Variants in DISC1 observed in about 807,000 individuals in gnomAD.
DISC1 encodes the protein disrupted in schizophrenia 1 protein.
A neutral mutation model predicts 84.5 loss-of-function variants in DISC1; 57 were observed. The observed-to-expected ratio is 0.67, with a 90% CI of 0.55 to 0.84. DISC1 has a LOEUF of 0.84. Among genes scored for constraint, DISC1 ranks in the 40% least tolerant of loss-of-function variants. The pLI is 0.00. For synonymous variants in DISC1, 411 were observed against 415.2 expected (o/e 0.99, Z 0.12); for missense variants, 1,000 against 1,057.8 (o/e 0.95, Z 0.76).
intron 4 of DISC1, among the ~76,000 whole-genome samples, chr1:231,752,944 C>T (rs780306591): frequency 4.6e-5 from 7 of 152,248 alleles, no homozygotes; most frequent in Non-Finnish European, 7.3e-5. Context: ...GTCTCACATC[C>T]AGAGCACACT....
At chr1:231,703,210 A>G (rs1267565018) in intron 3 of DISC1, among the ~76,000 whole-genome samples, 1 of 152,192 alleles carries the variant, frequency 6.6e-6, no homozygotes, top group African/African-American at 2.4e-5. Context: ...AAAGGACTGG[A>G]GACAGAGGAG....
At chr1:231,712,964 T>C (rs766185242) in intron 3 of DISC1, among the ~76,000 whole-genome samples, 2 of 152,234 alleles carry the variant, frequency 1.3e-5, no homozygotes, top group African/African-American at 2.4e-5. Context: ...ATGCATATAC[T>C]TGGGGCAAGA....
chr1:231,695,628 T>C (rs201814478), intron 2 of DISC1, among the ~76,000 whole-genome samples: 2 of 72,918 alleles, frequency 2.7e-5, no homozygotes, highest in East Asian at 3.5e-4. Flanking sequence ...TGTGTGTGCG[T>C]GTGTGTGTGT....
At chr1:231,795,087 C>T (rs867028255) in intron 6 of DISC1, among the ~76,000 whole-genome samples, 155 bp from the exon 7 acceptor site, 7 of 152,274 alleles carry the variant, frequency 4.6e-5, no homozygotes, top group Middle Eastern at 3.4e-3. Flanking sequence ...ATATTTATTC[C>T]GTAGTCAAAT....
intron 4 of DISC1, among the ~76,000 whole-genome samples, chr1:231,766,515 C>T (rs188876177): frequency 1.6e-3 from 242 of 152,242 alleles, no homozygotes; most frequent in African/African-American, 5.6e-3. Context: ...CAGTGACAAC[C>T]TTCTCATTGA....
intron 1 of DISC1, among the ~76,000 whole-genome samples, chr1:231,669,057 C>T (rs1275300642): frequency 6.6e-6 from 1 of 152,130 alleles, no homozygotes; most frequent in African/African-American, 2.4e-5. Context: ...GCTCCCTGTT[C>T]ATCATTTTTA....
At chr1:231,900,851 T>G (rs1186650919) in intron 9 of DISC1, among the ~76,000 whole-genome samples, 1 of 152,178 alleles carries the variant, frequency 6.6e-6, no homozygotes, top group Non-Finnish European at 1.5e-5. Context: ...CATCAAAGCG[T>G]ATACATTACA....
At chr1:231,833,676 G>C (rs2125830523) in intron 9 of DISC1, among the ~76,000 whole-genome samples, 1 of 152,330 alleles carries the variant, frequency 6.6e-6, no homozygotes, top group Non-Finnish European at 1.5e-5. Context: ...CTTGTAGCAA[G>C]CTCCTGGGGG....
chr1:232,000,820 A>G (rs892165689), intron 10 of DISC1, among the ~76,000 whole-genome samples: 1 of 152,220 alleles, frequency 6.6e-6, no homozygotes, highest in Non-Finnish European at 1.5e-5. Context: ...CTGTCAACCT[A>G]CAATCCTACA....
Position 231,767,136 on chromosome 1 carries a change from T to G in DISC1, c.1269-4T>G, listed in dbSNP as rs778661453. On this transcript the variant is annotated splice_region_variant and splice_polypyrimidine_tract_variant and intron_variant, in intron 4 of 12. Coordinates refer to ENST00000439617, the MANE Select transcript of DISC1 (RefSeq NM_018662.3). ...CTGTACCAATAGGTATGTGTTGTTT[T>G]AAGGGCCAGCGGAGATGACACCCAC... 5 of 1,613,994 alleles carry G rather than the reference T, an allele frequency of 3.1e-6. No individual in the cohort carries two copies. Among genetic ancestry groups the G allele is most frequent in the Non-Finnish European group, 4.2e-6 (5 of 1,179,986 alleles).
intron 9 of DISC1, among the ~76,000 whole-genome samples, chr1:231,864,881 G>A (rs557743751): frequency 2.0e-5 from 3 of 152,262 alleles, no homozygotes; most frequent in East Asian, 3.9e-4. Flanking sequence ...TACTCCAGAA[G>A]GAGAAAGTAG....
chr1:231,921,338 T>C (rs2089997002), intron 9 of DISC1, among the ~76,000 whole-genome samples: 1 of 152,166 alleles, frequency 6.6e-6, no homozygotes, highest in Non-Finnish European at 1.5e-5. Context: ...TGGAAAAATG[T>C]GGGCACCATA....
intron 10 of DISC1, among the ~76,000 whole-genome samples, chr1:231,970,449 A>T (rs939531102): frequency 3.3e-5 from 5 of 152,206 alleles, no homozygotes; most frequent in African/African-American, 9.6e-5. Context: ...AGAAGAAGGA[A>T]GATTAGAAGT....
At chr1:231,952,466 A>G (rs977577214) in intron 9 of DISC1, among the ~76,000 whole-genome samples, 1 of 152,148 alleles carries the variant, frequency 6.6e-6, no homozygotes, top group Non-Finnish European at 1.5e-5. Context: ...TTCTAGCTAA[A>G]CTAGAACTAC....
intron 9 of DISC1, among the ~76,000 whole-genome samples, chr1:231,868,692 T>TTTTATATATATATATATATATATA (rs2085227096): frequency 1.8e-5 from 2 of 108,842 alleles, no homozygotes; most frequent in Admixed American, 1.0e-4. Flanking sequence ...ACCCCATCTC[T>TTTTATATATATATATATATATATA]TATATATATA....
chr1:231,856,561 G>T (rs1243050115), intron 9 of DISC1, among the ~76,000 whole-genome samples: 2 of 152,126 alleles, frequency 1.3e-5, no homozygotes, highest in African/African-American at 4.8e-5. Flanking sequence ...ATTCTCTTGT[G>T]CTCAGGCACA....
chr1:231,944,554 A>G (rs2091509989), intron 9 of DISC1, among the ~76,000 whole-genome samples: 1 of 152,140 alleles, frequency 6.6e-6, no homozygotes, highest in Admixed American at 6.6e-5. Context: ...CACAGGTGGT[A>G]AGCAGAAGAG....
At chr1:231,691,863 G>A (rs1467256870) in intron 1 of DISC1, among the ~76,000 whole-genome samples, 2 of 152,152 alleles carry the variant, frequency 1.3e-5, no homozygotes, top group Non-Finnish European at 2.9e-5. Context: ...GGTCGGGCCC[G>A]GACACTGCAG....
intron 9 of DISC1, among the ~76,000 whole-genome samples, chr1:231,841,336 C>G (rs980663169): frequency 6.6e-6 from 1 of 152,208 alleles, no homozygotes; most frequent in Non-Finnish European, 1.5e-5. Flanking sequence ...ACCTACATAC[C>G]TTCCAGGGGG....
Sources: gnomAD v4.1 joint callset for allele counts (sites outside exome capture counted in the v4.1 genomes callset) on GRCh38, gnomAD v4.1.1 for gene constraint, MANE v1.5 for transcripts, NCBI Gene and HGNC (gene_info 2026-07-23, HGNC 2026-07-21) for gene names.